Variants in GMPS observed in about 807,000 individuals in gnomAD.
The protein encoded by GMPS is guanosine monophosphate synthase.
GMPS carries 15 observed loss-of-function variants against 77.9 expected under a neutral mutation model. The ratio of observed to expected loss-of-function variants is 0.19; its 90% CI spans 0.13 to 0.30. The LOEUF is 0.30. GMPS is among the 10% of genes least tolerant of loss of function. The probability of loss-of-function intolerance (pLI) is 1.00; values close to 1 mark genes in which losing one functional copy is unlikely to be tolerated. For missense variants in GMPS, 590 were observed against 838.8 expected (o/e 0.70, Z 3.66); for synonymous variants, 224 against 275.9 (o/e 0.81, Z 1.86).
chr3:155,874,310 A>G (rs1165397626), intron 1 of GMPS, among the ~76,000 whole-genome samples: 1 of 152,228 alleles, frequency 6.6e-6, no homozygotes, highest in African/African-American at 2.4e-5. Flanking sequence ...TGACTAGGTT[A>G]TATCATACTT....
intron 1 of GMPS, among the ~76,000 whole-genome samples, chr3:155,885,900 A>G (rs1243929532): frequency 6.6e-6 from 1 of 152,178 alleles, no homozygotes; most frequent in Non-Finnish European, 1.5e-5. Flanking sequence ...GGCTCACTGC[A>G]GCTTCCGCCT....
At chr3:155,915,287 G>C (rs1656466751) in intron 8 of GMPS, among the ~76,000 whole-genome samples, 1 of 149,792 alleles carries the variant, frequency 6.7e-6, no homozygotes, top group Non-Finnish European at 1.5e-5. Flanking sequence ...ACTCAGGCTG[G>C]AGTACAATGG....
At chr3:155,911,402 T>A (rs1652666164) in intron 7 of GMPS, 123 bp downstream of exon 7, 1 of 558,058 alleles carries the variant, frequency 1.8e-6, no homozygotes, top group Admixed American at 3.7e-5. Context: ...AAATGTTTTT[T>A]ATTTTTACAA....
At position 155,942,101 on chromosome 3, in the gene GMPS, G is replaced by GT. The variant is rs377473624; in HGVS notation, c.*4419dup. 1,395 of 180,224 alleles carry GT rather than the reference G, an allele frequency of 7.7e-3. 2 individuals carry two copies. Among genetic ancestry groups the GT allele is most frequent in the Middle Eastern group, 0.019 (9 of 478 alleles). The allele number at this position is 180,224 out of a possible 1,614,324, so 11.2% of individuals were successfully genotyped here. On this transcript the variant is annotated 3_prime_UTR_variant, in exon 16 of 16. Transcript: ENST00000496455. ...ACTCAAGCATTTACAGTTTTGTTTTGTTTTTTTTTTAAGACAGAGTCTCGC... is the reference window on the plus strand; with the variant it reads ...ACTCAAGCATTTACAGTTTTGTTTTGTTTTTTTTTTTAAGACAGAGTCTCGC...
At chr3:155,899,243 CTG>C (rs1239513416) in intron 3 of GMPS, among the ~76,000 whole-genome samples, 2 of 152,144 alleles carry the variant, frequency 1.3e-5, no homozygotes, top group African/African-American at 2.4e-5. Context: ...TGGCGCATGA[CTG>C]TAATCCCAGC....
At chr3:155,891,578 T>C (rs1754464570) in intron 1 of GMPS, among the ~76,000 whole-genome samples, 1 of 151,520 alleles carries the variant, frequency 6.6e-6, no homozygotes, top group African/African-American at 2.4e-5. Flanking sequence ...CAAATCCTCC[T>C]CTGTAGATGA....
In GMPS at chr3:155,940,044, A is replaced by T. The variant is rs1755852243; in HGVS notation, c.*2352A>T. The T allele has an allele frequency of 9.5e-6, 2 of 209,510 alleles. No homozygotes were observed. The highest frequency in any genetic ancestry group is 1.9e-5 in the Non-Finnish European group (2 of 103,174). 13.0% of individuals were successfully genotyped at this position (209,510 alleles called of 1,614,324 possible). On this transcript the variant is annotated 3_prime_UTR_variant, in exon 16 of 16. Transcript: ENST00000496455. Reference sequence around the variant, plus strand: ...CATTTATGGGATGCTTATTTTACTAAGACTAGAATGGTGGCTACCTGGCTA... The same window carrying T: ...CATTTATGGGATGCTTATTTTACTATGACTAGAATGGTGGCTACCTGGCTA...
chr3:155,916,096 T>C lies in GMPS; in HGVS notation c.1116T>C (p.Asp372=). ...VFLAQGTLRP[D]LIESASLVAS... The stretch of plus-strand genomic sequence containing the variant: ...TTGCCCAAGGTACTTTACGGCCTGA[T>C]CTAATTGAAAGTGCATCCCTTGTTG... The change falls in exon 9 of 16, where the codon GAT becomes GAC. Residue 372 remains aspartate, a synonymous_variant. Transcript: ENST00000496455. The C allele has an allele frequency of 3.1e-6, 5 of 1,613,164 alleles. No homozygotes were observed. Among genetic ancestry groups the C allele is most frequent in the Non-Finnish European group, 4.2e-6 (5 of 1,179,148 alleles).
At chr3:155,886,909 C>A (rs948120238) in intron 1 of GMPS, among the ~76,000 whole-genome samples, 1 of 152,016 alleles carries the variant, frequency 6.6e-6, no homozygotes, top group South Asian at 2.1e-4. Context: ...AATCCCTTTC[C>A]CTTAAGGAAA....
At chr3:155,891,992 A>G (rs1165656959) in intron 1 of GMPS, among the ~76,000 whole-genome samples, 1 of 152,140 alleles carries the variant, frequency 6.6e-6, no homozygotes, top group Non-Finnish European at 1.5e-5. Context: ...GAAGGGAGGA[A>G]TGGTGGAAAA....
intron 1 of GMPS, among the ~76,000 whole-genome samples, chr3:155,886,694 C>T (rs1206038453): frequency 2.2e-5 from 3 of 133,606 alleles, no homozygotes; most frequent in African/African-American, 8.1e-5. Flanking sequence ...GATCTCCACT[C>T]ACTGGGTTTC....
chr3:155,894,993 A>G (rs919315356), intron 2 of GMPS, among the ~76,000 whole-genome samples: 1 of 152,226 alleles, frequency 6.6e-6, no homozygotes, highest in Admixed American at 6.5e-5. Context: ...CTCTCTGTCA[A>G]ATCAGAGCTC....
intron 3 of GMPS, among the ~76,000 whole-genome samples, chr3:155,902,379 C>T (rs780444399): frequency 3.3e-5 from 5 of 152,152 alleles, no homozygotes; most frequent in Non-Finnish European, 5.9e-5. Flanking sequence ...TCTGGCCTAC[C>T]ACCTGTTTTT....
chr3:155,921,752 A>C (rs1755321776), intron 10 of GMPS, among the ~76,000 whole-genome samples: 1 of 152,152 alleles, frequency 6.6e-6, no homozygotes. Context: ...TAATTGCACC[A>C]CTGCACTCTA....
intron 11 of GMPS, among the ~76,000 whole-genome samples, chr3:155,923,369 G>T (rs1379081260): frequency 6.6e-6 from 1 of 151,924 alleles, no homozygotes; most frequent in East Asian, 1.9e-4. Context: ...ATGTCCAGAA[G>T]GAAATAATAG....
chr3:155,870,868 C>T lies in GMPS; in HGVS notation c.-3C>T, dbSNP rs1387240055. 7.3e-6 allele frequency: 11 copies of T among 1,507,872 alleles called. No homozygotes were observed. The highest frequency in any genetic ancestry group is 1.2e-5 in the South Asian group (1 of 81,100). 93.4% of individuals were successfully genotyped at this position (1,507,872 alleles called of 1,614,324 possible). On this transcript the variant is annotated 5_prime_UTR_variant, in exon 1 of 16. Transcript: ENST00000496455. ...CACCGCCGCGGCTCCGGCCCTGGCC[C>T]CGATGGCTCTGTGCAACGGAGACTC...
intron 3 of GMPS, among the ~76,000 whole-genome samples, chr3:155,902,767 G>A (rs190185849): frequency 4.6e-5 from 7 of 152,296 alleles, no homozygotes; most frequent in Non-Finnish European, 4.4e-5. Context: ...GCTGGAAGAT[G>A]GGCAAGACTA....
chr3:155,918,624 T>A (rs755258864), intron 9 of GMPS, among the ~76,000 whole-genome samples: 9 of 152,188 alleles, frequency 5.9e-5, no homozygotes, highest in South Asian at 4.1e-4. Context: ...CTCCTTTTTT[T>A]AAAAAATAAT....
At position 155,942,623 on chromosome 3, in the gene GMPS, T is replaced by C. The variant is rs1755919729; in HGVS notation, c.*4931T>C. 4.4e-6 allele frequency: 1 copy of C among 228,992 alleles called. No homozygotes were observed. Among genetic ancestry groups the C allele is most frequent in the African/African-American group, 2.2e-5 (1 of 45,072 alleles). The allele number at this position is 228,992 out of a possible 1,614,324, so 14.2% of individuals were successfully genotyped here. A position where few individuals can be genotyped will look rare whatever the true frequency, so the allele number is the denominator to read the frequency against. Reference sequence around the variant, plus strand: ...GTGTCAGACACTCCCAGGACCTGTTTGGTAATAATTAGGACAGCTGACATA... The same window carrying C: ...GTGTCAGACACTCCCAGGACCTGTTCGGTAATAATTAGGACAGCTGACATA... On this transcript the variant is annotated 3_prime_UTR_variant, in exon 16 of 16. Coordinates refer to ENST00000496455, the MANE Select transcript of GMPS (RefSeq NM_003875.3).
Sources: gnomAD v4.1 joint callset for allele counts (sites outside exome capture counted in the v4.1 genomes callset) on GRCh38, gnomAD v4.1.1 for gene constraint, MANE v1.5 for transcripts, NCBI Gene and HGNC (gene_info 2026-07-23, HGNC 2026-07-21) for gene names.